The following HHLA1 variants were observed in gnomAD, a reference collection of about 807,000 sequenced individuals.
The protein encoded by HHLA1 is HERV-H LTR-associating protein 1.
HHLA1 carries 72 observed loss-of-function variants against 69.9 expected under a neutral mutation model. That is an observed-to-expected ratio of 1.03 (90% CI 0.85 to 1.25). The LOEUF (loss-of-function observed/expected upper bound fraction) is 1.25. Ranked by LOEUF, HHLA1 falls within the 50% of genes most tolerant of loss-of-function variation. HHLA1 has a pLI of 0.00. For missense variants in HHLA1, 685 were observed against 642.2 expected (o/e 1.07, Z -0.72); for synonymous variants, 252 against 233.2 (o/e 1.08, Z -0.73).
Position 132,085,604 on chromosome 8 carries a change from A to G in HHLA1, c.676+2049T>C, listed in dbSNP as rs531973611. ...CAAACAGGCTTTGTGTGAGCAATAA[A>G]GCTGTTTATTTCACCTGGGTGCAGG... is the stretch of plus-strand genomic sequence containing the variant. On this transcript the variant is annotated intron_variant, in intron 10 of 16. Transcript: ENST00000414222. 168 of 174,832 alleles carry G rather than the reference A, an allele frequency of 9.6e-4. No homozygotes were observed. The East Asian group carries it at 0.027, about 28-fold the overall frequency. The allele number at this position is 174,832 out of a possible 1,614,324, so 10.8% of individuals were successfully genotyped here. A position where few individuals can be genotyped will look rare whatever the true frequency, so the allele number is the denominator to read the frequency against.
At chr8:132,102,439 C>T (rs1370569) in intron 3 of HHLA1, among the ~76,000 whole-genome samples, 5,427 of 152,258 alleles carry the variant, frequency 0.036, 168 homozygotes, top group African/African-American at 0.081. Context: ...CTGGAGGCAA[C>T]GGGCTTATGT....
chr8:132,085,973 A>ATGGCT (rs1459665523), intron 10 of HHLA1, among the ~76,000 whole-genome samples: 30 of 152,202 alleles, frequency 2.0e-4, no homozygotes, highest in African/African-American at 5.3e-4. Context: ...AGGGGTTGCG[A>ATGGCT]TGGCTTGGCT....
At chr8:132,066,129 G>A (rs1193457047) in intron 15 of HHLA1, among the ~76,000 whole-genome samples, 161 bp from the exon 16 acceptor site, 1 of 152,106 alleles carries the variant, frequency 6.6e-6, no homozygotes, top group African/African-American at 2.4e-5. Flanking sequence ...AGGAGAGATA[G>A]GAAAGAAGGC....
rs754355598 is a variant in HHLA1, at chr8:132,076,131, T to C, written c.1241-2A>G. On this transcript the variant is annotated splice_acceptor_variant, in intron 13 of 16. Coordinates refer to ENST00000414222, the MANE Select transcript of HHLA1 (RefSeq NM_001145095.3). LOFTEE classifies it high-confidence loss of function. ...ATGGCCACTCTGCAGAGAGATCACC[T>C]GCAAAGGGCAGGAATGGCCTTCCAG... is the stretch of plus-strand genomic sequence containing the variant. 3.9e-6 allele frequency: 6 copies of C among 1,550,320 alleles called. No individual in the cohort carries two copies. In the South Asian group the frequency reaches 4.8e-5, roughly 12 times the overall value.
intron 10 of HHLA1, among the ~76,000 whole-genome samples, chr8:132,082,274 G>A (rs934270468): frequency 1.3e-5 from 2 of 152,206 alleles, no homozygotes; most frequent in African/African-American, 4.8e-5. Flanking sequence ...AGCATAGTTT[G>A]TGATTTTGAG....
intron 1 of HHLA1, among the ~76,000 whole-genome samples, chr8:132,105,981 A>G (rs1824196343): frequency 6.6e-6 from 1 of 152,218 alleles, no homozygotes; most frequent in Non-Finnish European, 1.5e-5. Context: ...TGATAGTTAC[A>G]GTTGCAAAGC....
intron 12 of HHLA1, among the ~76,000 whole-genome samples, chr8:132,077,208 C>G (rs1171563757): frequency 6.6e-6 from 1 of 152,126 alleles, no homozygotes; most frequent in Non-Finnish European, 1.5e-5. Flanking sequence ...CCCAGTTCAG[C>G]TGGGTCAGGT....
chr8:132,098,370 C>T (rs1424244603), intron 5 of HHLA1, among the ~76,000 whole-genome samples: 1 of 152,210 alleles, frequency 6.6e-6, no homozygotes, highest in Non-Finnish European at 1.5e-5. Context: ...CAATTACAAA[C>T]ATACCATGTC....
At chr8:132,107,621 C>T (rs868316901) in intron 1 of HHLA1, among the ~76,000 whole-genome samples, 9 of 152,102 alleles carry the variant, frequency 5.9e-5, no homozygotes, top group African/African-American at 2.2e-4. Flanking sequence ...ATTTATTACT[C>T]GAAGACTACA....
chr8:132,068,151 C>G lies in HHLA1; in HGVS notation c.1470-2183G>C, dbSNP rs1823471554. ...CATATTGCTAGATGGACAACATCAT[C>G]CAAACTAAGGTGCTCTGTGAAACTG... On this transcript the variant is annotated intron_variant, in intron 15 of 16. Coordinates refer to ENST00000414222, the MANE Select transcript of HHLA1 (RefSeq NM_001145095.3). 2.0e-5 allele frequency among the ~76,000 whole-genome samples: 3 copies of G among 152,204 alleles called. No individual in the cohort carries two copies. In the South Asian group the frequency reaches 6.2e-4, roughly 32 times the overall value.
intron 10 of HHLA1, among the ~76,000 whole-genome samples, chr8:132,081,374 A>G (rs1823750450): frequency 6.6e-6 from 1 of 151,242 alleles, no homozygotes; most frequent in African/African-American, 2.5e-5. Flanking sequence ...CTGAGAAGGG[A>G]AAGTGGTAAA....
At chr8:132,110,404 C>T (rs777751638) in intron 1 of HHLA1, among the ~76,000 whole-genome samples, 1 of 152,156 alleles carries the variant, frequency 6.6e-6, no homozygotes, top group Non-Finnish European at 1.5e-5. Context: ...AGTTTGGTTC[C>T]ATGGGCTGTG....
intron 5 of HHLA1, among the ~76,000 whole-genome samples, chr8:132,097,500 A>G (rs1824044433): frequency 6.6e-6 from 1 of 152,226 alleles, no homozygotes; most frequent in African/African-American, 2.4e-5. Flanking sequence ...TACAAGGATT[A>G]AATTAGTCAT....
At chr8:132,099,234 A>G (rs1824076337) in intron 4 of HHLA1, among the ~76,000 whole-genome samples, 1 of 152,208 alleles carries the variant, frequency 6.6e-6, no homozygotes, top group Non-Finnish European at 1.5e-5. Flanking sequence ...CTGCATTTGG[A>G]GAGACTCGGG....
chr8:132,082,817 T>C (rs1479049595), intron 10 of HHLA1, among the ~76,000 whole-genome samples: 1 of 152,100 alleles, frequency 6.6e-6, no homozygotes, highest in Non-Finnish European at 1.5e-5. Flanking sequence ...ACAATTTCGT[T>C]GATAAGGTGC....
At chr8:132,078,986 G>GT (rs1478198525) in intron 11 of HHLA1, among the ~76,000 whole-genome samples, 1 of 152,286 alleles carries the variant, frequency 6.6e-6, no homozygotes, top group East Asian at 1.9e-4. Flanking sequence ...TGTTACATAT[G>GT]TATACATGTG....
chr8:132,084,826 A>G (rs1052131285), intron 10 of HHLA1, among the ~76,000 whole-genome samples: 2 of 151,454 alleles, frequency 1.3e-5, no homozygotes, highest in African/African-American at 4.9e-5. Flanking sequence ...CACAGAAATA[A>G]GGGATTGGGG....
intron 10 of HHLA1, chr8:132,085,488 G>A (rs1823845105): frequency 5.3e-6 from 2 of 380,696 alleles, no homozygotes; most frequent in African/African-American, 2.2e-5. Flanking sequence ...ATGGAGCAAA[G>A]AACAGGAGGA....
intron 3 of HHLA1, among the ~76,000 whole-genome samples, chr8:132,103,267 G>A (rs1824142337): frequency 6.6e-6 from 1 of 152,126 alleles, no homozygotes; most frequent in South Asian, 2.1e-4. Context: ...AACTTTATAC[G>A]CTTTTGTAAC....
Sources: gnomAD v4.1 joint callset for allele counts (sites outside exome capture counted in the v4.1 genomes callset) on GRCh38, gnomAD v4.1.1 for gene constraint, MANE v1.5 for transcripts, NCBI Gene and HGNC (gene_info 2026-07-23, HGNC 2026-07-21) for gene names.